The following CHN1 variants were observed in gnomAD, a reference collection of about 807,000 sequenced individuals.
CHN1 encodes N-chimaerin.
In CHN1, 37 loss-of-function variants were observed where a neutral mutation model predicts 59.5. The observed-to-expected ratio is 0.62, with a 90% confidence interval of 0.48 to 0.82. The LOEUF (loss-of-function observed/expected upper bound fraction) is 0.82, where lower values mean the gene tolerates loss of function less well. CHN1 is among the 40% of genes least tolerant of loss of function. CHN1 has a pLI of 0.00. For synonymous variants in CHN1, 206 were observed against 200.4 expected, an observed-to-expected ratio of 1.03 and a Z score of -0.24; for missense variants, 469 against 571.0, an observed-to-expected ratio of 0.82 and a Z score of 1.82.
chr2:174,899,131 C>A (rs1688308955), intron 5 of CHN1, among the ~76,000 whole-genome samples: 1 of 152,018 alleles, frequency 6.6e-6, no homozygotes, highest in South Asian at 2.1e-4. Flanking sequence ...TACATTTATA[C>A]CAGTAGATTC....
rs58157163 is a variant in CHN1, at chr2:174,998,333, T to TA, written c.19+6560dup. On this transcript the variant is annotated intron_variant, in intron 1 of 12. Coordinates refer to ENST00000409900, the MANE Select transcript of CHN1 (RefSeq NM_001822.7). ...AAAAAAAAAAAAAAAGATACGAGAT[T>TA]AAAAAAAAAAACATACTTTAAGAGC... Among the ~76,000 whole-genome samples, 699 of 131,976 alleles carry TA rather than the reference T, an allele frequency of 5.3e-3. 10 individuals are homozygous for TA. Among genetic ancestry groups the TA allele is most frequent in the African/African-American group, 0.017 (603 of 35,148 alleles). 86.6% of individuals were successfully genotyped at this position (131,976 alleles called of 152,430 possible).
rs186659483 is a variant in CHN1 at position 174,852,538 on chromosome 2, C to G, written c.550-5581G>C. On this transcript the variant is annotated intron_variant, in intron 6 of 12. Transcript: ENST00000409900. ...TTTATAGATTCAACACTATTCCTGT[C>G]AGATTACCAACATCATTCTTTACAG... Among the ~76,000 whole-genome samples the G allele has an allele frequency of 5.0e-3, 760 of 152,218 alleles. 4 individuals carry two copies. Among genetic ancestry groups the G allele is most frequent in the Non-Finnish European group, 8.2e-3 (559 of 68,016 alleles).
At chr2:174,836,647 T>G (rs1686090920) in intron 7 of CHN1, among the ~76,000 whole-genome samples, 1 of 152,308 alleles carries the variant, frequency 6.6e-6, no homozygotes, top group Non-Finnish European at 1.5e-5. Context: ...AGGGCACTGC[T>G]TATTTTTCAG....
At chr2:174,901,487 T>C (rs1688388039) in intron 5 of CHN1, among the ~76,000 whole-genome samples, 1 of 152,224 alleles carries the variant, frequency 6.6e-6, no homozygotes, top group Non-Finnish European at 1.5e-5. Context: ...TATGCACTCG[T>C]ATCTCCCTTG....
chr2:174,817,497 C>CTCTG (rs1271665743), intron 8 of CHN1, among the ~76,000 whole-genome samples: 2 of 150,734 alleles, frequency 1.3e-5, no homozygotes, highest in Non-Finnish European at 2.9e-5. Flanking sequence ...CAGGGTCTCG[C>CTCTG]TCTGTCACCC....
chr2:174,997,347 C>G (rs1024625550), intron 1 of CHN1, among the ~76,000 whole-genome samples: 7 of 152,178 alleles, frequency 4.6e-5, no homozygotes, highest in Admixed American at 3.9e-4. Context: ...AAGCCCCACC[C>G]TCTAAAACTT....
At chr2:174,968,760 A>C (rs548507798) in intron 1 of CHN1, among the ~76,000 whole-genome samples, 2 of 152,372 alleles carry the variant, frequency 1.3e-5, no homozygotes, top group African/African-American at 4.8e-5. Flanking sequence ...AAAAACTAAC[A>C]AGTATAATAC....
intron 8 of CHN1, among the ~76,000 whole-genome samples, chr2:174,812,808 T>C (rs368342423): frequency 6.6e-6 from 1 of 152,176 alleles, no homozygotes; most frequent in African/African-American, 2.4e-5. Context: ...AAAAAACCCA[T>C]TTCTTTAAAG....
intron 1 of CHN1, among the ~76,000 whole-genome samples, chr2:174,955,180 AT>A (rs1558996554): frequency 3.2e-4 from 3 of 9,326 alleles, no homozygotes; most frequent in Admixed American, 4.5e-3. Flanking sequence ...CTATATATCT[AT>A]ATCTATATAT....
intron 5 of CHN1, among the ~76,000 whole-genome samples, chr2:174,905,715 G>A (rs1476563969): frequency 1.3e-5 from 2 of 151,952 alleles, no homozygotes; most frequent in African/African-American, 4.8e-5. Context: ...CAGCTACCAT[G>A]CCCGGCTAAT....
intron 5 of CHN1, among the ~76,000 whole-genome samples, chr2:174,897,277 A>G (rs1688245909): frequency 6.6e-6 from 1 of 152,170 alleles, no homozygotes; most frequent in South Asian, 2.1e-4. Flanking sequence ...GGCACATTAT[A>G]ATGTAAGAGA....
chr2:174,946,750 C>T (rs974453215), intron 2 of CHN1, among the ~76,000 whole-genome samples: 16 of 151,810 alleles, frequency 1.1e-4, no homozygotes, highest in Non-Finnish European at 2.2e-4. Context: ...AATGGCCAAA[C>T]CATGATTTGT....
chr2:174,875,326 G>A (rs1687534965), intron 6 of CHN1, among the ~76,000 whole-genome samples: 1 of 152,196 alleles, frequency 6.6e-6, no homozygotes, highest in Non-Finnish European at 1.5e-5. Flanking sequence ...CAGGTGAGAT[G>A]ACTGTCCCAA....
chr2:174,835,291 ACT>A (rs1384571340), intron 7 of CHN1, among the ~76,000 whole-genome samples: 2 of 151,134 alleles, frequency 1.3e-5, no homozygotes, highest in African/African-American at 4.9e-5. Flanking sequence ...AAATTTTCTC[ACT>A]CTCTCTGGCT....
At chr2:174,889,448 A>G (rs567566835) in intron 5 of CHN1, among the ~76,000 whole-genome samples, 3 of 152,330 alleles carry the variant, frequency 2.0e-5, no homozygotes, top group South Asian at 2.1e-4. Flanking sequence ...AAGAAATTCA[A>G]TGATCTACAA....
At chr2:174,982,694 A>T (rs553896357) in intron 1 of CHN1, among the ~76,000 whole-genome samples, 2 of 152,294 alleles carry the variant, frequency 1.3e-5, no homozygotes, top group Admixed American at 1.3e-4. Context: ...GCGAGTATCA[A>T]AACAAGTGTA....
intron 1 of CHN1, among the ~76,000 whole-genome samples, chr2:174,964,664 T>C (rs1690538192): frequency 6.6e-6 from 1 of 152,208 alleles, no homozygotes. Context: ...AGAATCCCTG[T>C]GGAGGTCTTC....
At chr2:174,845,184 T>C (rs1251071993) in intron 7 of CHN1, among the ~76,000 whole-genome samples, 1 of 152,204 alleles carries the variant, frequency 6.6e-6, no homozygotes, top group African/African-American at 2.4e-5. Context: ...ATAAAAAGCA[T>C]GTATAATGAA....
chr2:174,799,923 C>T lies in CHN1; in HGVS notation c.*193G>A. 1 of 677,606 alleles carries T rather than the reference C, an allele frequency of 1.5e-6. No individual in the cohort carries two copies. Among genetic ancestry groups the T allele is most frequent in the Non-Finnish European group, 2.7e-6 (1 of 372,600 alleles). 42.0% of individuals were successfully genotyped at this position (677,606 alleles called of 1,614,324 possible). On this transcript the variant is annotated 3_prime_UTR_variant, in exon 13 of 13. Transcript: ENST00000409900. ...TGATAAACACCCAGGATTACTAGAA[C>T]CAGAAAGCGTGTGTTCACTGTTTTA...
Sources: allele counts gnomAD v4.1 joint callset (sites outside exome capture counted in the v4.1 genomes callset), GRCh38; gene constraint gnomAD v4.1.1; transcripts MANE v1.5; gene names NCBI Gene and HGNC (gene_info 2026-07-23, HGNC 2026-07-21).